HPSE2: variants seen among roughly 807,000 people sequenced by gnomAD.
The protein encoded by HPSE2 is heparanase 2 (inactive), also known as inactive heparanase-2.
Under a neutral mutation model 60.5 loss-of-function variants are expected in HPSE2, and 38 were observed. The observed-to-expected ratio is 0.63, with a 90% CI of 0.48 to 0.82. The LOEUF is 0.82. HPSE2 is among the 40% of genes least tolerant of loss of function. HPSE2 has a pLI of 0.00. For missense variants in HPSE2, 713 were observed against 740.4 expected, an observed-to-expected ratio of 0.96 and a Z score of 0.43; for synonymous variants, 295 against 293.2, an observed-to-expected ratio of 1.01 and a Z score of -0.06.
chr10:98,832,295 T>C (rs561845346), intron 3 of HPSE2, among the ~76,000 whole-genome samples: 54 of 152,324 alleles, frequency 3.5e-4, no homozygotes, highest in Non-Finnish European at 5.0e-4. Flanking sequence ...GCTTGGAATA[T>C]ATTTGGGAAT....
chr10:99,297,537 A>C, the HPSE2 span, among the ~76,000 whole-genome samples: 1 of 152,014 alleles, frequency 6.6e-6, no homozygotes, highest in Non-Finnish European at 1.5e-5. Flanking sequence ...TTGTCTTCTG[A>C]CTCCATTGTA....
intron 6 of HPSE2, among the ~76,000 whole-genome samples, chr10:98,647,888 T>C (rs1307465607): frequency 1.3e-5 from 2 of 152,236 alleles, no homozygotes. Flanking sequence ...TTTCTTTGGC[T>C]TTCTTAAACC....
chr10:99,047,331 T>C (rs911100120), intron 3 of HPSE2, among the ~76,000 whole-genome samples: 3 of 152,096 alleles, frequency 2.0e-5, no homozygotes, highest in Admixed American at 2.0e-4. Context: ...CTAAGATGGA[T>C]TAAAAATGTA....
intron 3 of HPSE2, among the ~76,000 whole-genome samples, chr10:98,755,746 C>G (rs1350911912): frequency 6.6e-6 from 1 of 152,106 alleles, no homozygotes; most frequent in Non-Finnish European, 1.5e-5. Flanking sequence ...ACCTGTAATC[C>G]CAGCACTTTG....
intron 2 of HPSE2, among the ~76,000 whole-genome samples, chr10:99,230,708 C>T (rs1329679178): frequency 6.6e-6 from 1 of 152,084 alleles, no homozygotes; most frequent in African/African-American, 2.4e-5. Context: ...GAGAAACAGA[C>T]CAATTTCTAA....
intron 2 of HPSE2, among the ~76,000 whole-genome samples, chr10:99,169,562 T>A (rs1847230394): frequency 7.0e-6 from 1 of 141,936 alleles, no homozygotes; most frequent in African/African-American, 2.6e-5. Flanking sequence ...CCTGACCCAT[T>A]TAACTTGTAA....
At chr10:98,574,644 C>T (rs1275023193) in intron 9 of HPSE2, among the ~76,000 whole-genome samples, 1 of 151,956 alleles carries the variant, frequency 6.6e-6, no homozygotes, top group Non-Finnish European at 1.5e-5. Flanking sequence ...AAGATGCAGC[C>T]CTGAAGCAAA....
chr10:98,948,247 A>G (rs1449748945), intron 3 of HPSE2, among the ~76,000 whole-genome samples: 2 of 152,186 alleles, frequency 1.3e-5, no homozygotes, highest in Non-Finnish European at 2.9e-5. Context: ...ACTTCACAGG[A>G]TTTATAACAG....
chr10:99,168,603 C>T (rs1192748650), intron 2 of HPSE2, among the ~76,000 whole-genome samples: 3 of 152,138 alleles, frequency 2.0e-5, no homozygotes, highest in East Asian at 3.8e-4. Flanking sequence ...CTCTGGTAGG[C>T]TATCTTTCTT....
chr10:99,034,417 G>A (rs905016729), intron 3 of HPSE2, among the ~76,000 whole-genome samples: 2 of 152,072 alleles, frequency 1.3e-5, no homozygotes, highest in African/African-American at 4.8e-5. Context: ...TTCTATAGCG[G>A]GGGTGGATAC....
chr10:98,495,426 A>G lies in HPSE2; in HGVS notation c.1321-5230T>C, dbSNP rs79896068. On this transcript the variant is annotated intron_variant, in intron 9 of 11. Coordinates refer to ENST00000370552, the MANE Select transcript of HPSE2 (RefSeq NM_021828.5). ...GATGTTTATGTGCATGTTCTTTATCAAATTTGAGACGTTTTCAGCCATTAT... is the reference window on the plus strand; with the variant it reads ...GATGTTTATGTGCATGTTCTTTATCGAATTTGAGACGTTTTCAGCCATTAT... 2.7e-3 allele frequency among the ~76,000 whole-genome samples: 405 copies of G among 152,184 alleles called. 23 individuals carry two copies. In the East Asian group the frequency reaches 0.063, roughly 24 times the overall value.
intron 3 of HPSE2, among the ~76,000 whole-genome samples, chr10:99,054,662 C>G (rs1165515099): frequency 6.6e-6 from 1 of 152,164 alleles, no homozygotes; most frequent in Non-Finnish European, 1.5e-5. Context: ...CAATACTATT[C>G]AGAGGAAGAT....
intron 2 of HPSE2, among the ~76,000 whole-genome samples, chr10:99,220,921 T>C (rs949747245): frequency 7.9e-5 from 11 of 139,820 alleles, no homozygotes. Flanking sequence ...AACAGCTCAC[T>C]ACAACCTCCA....
Position 98,762,950 on chromosome 10 carries a change from A to T in HPSE2, c.611-18894T>A, listed in dbSNP as rs151010073. 7.5e-4 allele frequency among the ~76,000 whole-genome samples: 114 copies of T among 152,290 alleles called. 1 individual carries two copies. Among genetic ancestry groups the T allele is most frequent in the African/African-American group, 2.6e-3 (110 of 41,584 alleles). On this transcript the variant is annotated intron_variant, in intron 3 of 11. Transcript: ENST00000370552. The stretch of plus-strand genomic sequence containing the variant: ...GCAGCCAGTATAGCCATCACCCATG[A>T]TGTAGTGATGAACATGTTTTAAATG...
chr10:98,625,824 C>T (rs996405610), intron 7 of HPSE2, among the ~76,000 whole-genome samples: 5 of 152,008 alleles, frequency 3.3e-5, no homozygotes, highest in Non-Finnish European at 5.9e-5. Context: ...ATGAATAGGC[C>T]GGGCGTGGTG....
chr10:98,589,657 C>T (rs576990391), intron 9 of HPSE2, among the ~76,000 whole-genome samples: 10 of 152,306 alleles, frequency 6.6e-5, no homozygotes, highest in African/African-American at 2.4e-4. Context: ...CTTCGTTGGT[C>T]TACCTTCTCT....
At chr10:99,092,857 T>C (rs944166111) in intron 3 of HPSE2, among the ~76,000 whole-genome samples, 5 of 152,206 alleles carry the variant, frequency 3.3e-5, no homozygotes, top group Admixed American at 2.6e-4. Flanking sequence ...TGAGACTTGT[T>C]GACTTCCGAG....
chr10:98,474,637 G>A (rs559208875), intron 11 of HPSE2, among the ~76,000 whole-genome samples: 7 of 152,196 alleles, frequency 4.6e-5, no homozygotes, highest in African/African-American at 1.7e-4. Flanking sequence ...TGAGCAGTAT[G>A]TGGAAAAAGG....
rs78649678 is a variant in HPSE2 at position 99,054,457 on chromosome 10, G to A, written c.610+89781C>T. On this transcript the variant is annotated intron_variant, in intron 3 of 11. Coordinates refer to ENST00000370552, the MANE Select transcript of HPSE2 (RefSeq NM_021828.5). ...TCTCCCCTAAATCCACACTAACAAG[G>A]TCTGAAACCAAGTACTGATGAGATC... 1.0e-3 allele frequency among the ~76,000 whole-genome samples: 157 copies of A among 151,952 alleles called. 1 individual carries two copies. Among genetic ancestry groups the A allele is most frequent in the African/African-American group, 3.5e-3 (147 of 41,432 alleles).
Sources: gnomAD v4.1 joint callset for allele counts (sites outside exome capture counted in the v4.1 genomes callset) on GRCh38, gnomAD v4.1.1 for gene constraint, MANE v1.5 for transcripts, NCBI Gene and HGNC (gene_info 2026-07-23, HGNC 2026-07-21) for gene names.